Variants in FOCAD observed in about 807,000 individuals in gnomAD.
FOCAD encodes the protein focadhesin.
In FOCAD, 198 loss-of-function variants were observed where a neutral mutation model predicts 225.6. That is an observed-to-expected ratio of 0.88 (90% CI 0.78 to 0.99). FOCAD has a LOEUF of 0.99. Among genes scored for constraint, FOCAD ranks in the 50% least tolerant of loss-of-function variants. The pLI is 0.00. For synonymous variants in FOCAD, 897 were observed against 755.0 expected, an observed-to-expected ratio of 1.19 and a Z score of -3.08; for missense variants, 2,713 against 2,123.6, an observed-to-expected ratio of 1.28 and a Z score of -5.46.
In FOCAD at chr9:20,836,790, C is replaced by T. The variant is rs117376988; in HGVS notation, c.1920+13675C>T. Among the ~76,000 whole-genome samples the T allele has an allele frequency of 5.3e-3, 805 of 151,860 alleles. 11 individuals carry two copies. The highest frequency in any genetic ancestry group is 8.7e-3 in the Non-Finnish European group (590 of 67,926). ...TTATTTTTTTTAATAGAATACCATT[C>T]AGTACACATAAGTCATATATGAAAC... On this transcript the variant is annotated intron_variant, in intron 15 of 43. Coordinates refer to ENST00000338382, the MANE Select transcript of FOCAD (RefSeq NM_001375567.1).
intron 11 of FOCAD, among the ~76,000 whole-genome samples, chr9:20,818,632 C>T (rs1823992183): frequency 6.6e-6 from 1 of 151,996 alleles, no homozygotes; most frequent in East Asian, 1.9e-4. Context: ...ACTCTTCTTT[C>T]CTTATTGTTT....
intron 21 of FOCAD, among the ~76,000 whole-genome samples, chr9:20,887,713 A>G (rs889616407): frequency 1.3e-5 from 2 of 152,212 alleles, no homozygotes; most frequent in African/African-American, 4.8e-5. Flanking sequence ...CCTAGGAGTG[A>G]GAGTGCAACG....
At chr9:20,776,051 G>T (rs1431700026) in intron 8 of FOCAD, among the ~76,000 whole-genome samples, 2 of 152,168 alleles carry the variant, frequency 1.3e-5, no homozygotes, top group Non-Finnish European at 2.9e-5. Context: ...CCAGCAAGCA[G>T]TTGGAGAGGG....
chr9:20,799,469 T>G (rs1821535415), intron 11 of FOCAD, among the ~76,000 whole-genome samples: 1 of 152,176 alleles, frequency 6.6e-6, no homozygotes, highest in Non-Finnish European at 1.5e-5. Context: ...CCATTATTAT[T>G]GTGTGGGAGT....
intron 15 of FOCAD, among the ~76,000 whole-genome samples, chr9:20,826,160 C>T (rs981268903): frequency 6.6e-6 from 1 of 152,042 alleles, no homozygotes; most frequent in Admixed American, 6.6e-5. Flanking sequence ...TTCTTGGGTG[C>T]ATCTCTGAGG....
chr9:20,921,905 C>T (rs1834469943), intron 24 of FOCAD, among the ~76,000 whole-genome samples: 1 of 152,022 alleles, frequency 6.6e-6, no homozygotes. Flanking sequence ...ACTTTTGATA[C>T]CCAGATTCTA....
At chr9:20,674,196 ATATAT>A (rs1347918272) in intron 2 of FOCAD, among the ~76,000 whole-genome samples, 4 of 152,198 alleles carry the variant, frequency 2.6e-5, no homozygotes, top group East Asian at 1.9e-4. Context: ...TTAGAAATAA[ATATAT>A]TAGATGTTCT....
intron 10 of FOCAD, among the ~76,000 whole-genome samples, chr9:20,786,654 T>C (rs191405767): frequency 6.6e-6 from 1 of 152,350 alleles, no homozygotes. Context: ...AAAATCAATA[T>C]TGTTCACAAT....
intron 19 of FOCAD, 57 bp downstream of exon 19, chr9:20,874,864 A>C: frequency 6.2e-7 from 1 of 1,603,746 alleles, no homozygotes; most frequent in Non-Finnish European, 8.5e-7. Context: ...GATTTGTCTG[A>C]TTGTATTCTT....
At chr9:20,773,340 A>C (rs1231213068) in intron 8 of FOCAD, among the ~76,000 whole-genome samples, 1 of 152,264 alleles carries the variant, frequency 6.6e-6, no homozygotes, top group Non-Finnish European at 1.5e-5. Flanking sequence ...AAAAATCACT[A>C]GGCAGAGTTT....
chr9:20,995,577 T>G lies in FOCAD; in HGVS notation c.5354T>G (p.Val1785Gly), dbSNP rs1486730682. Residue 1785 changes from valine to glycine, a missense_variant, in exon 44 of 44, where the codon GTT (valine) becomes GGT (glycine). Physicochemically the swap from Val to Gly is moderately radical, Grantham distance 109 (BLOSUM62 -3). Coordinates refer to ENST00000338382, the MANE Select transcript of FOCAD (RefSeq NM_001375567.1). ...LLKATLLSLR[V>G]LPEFKKKAVW... ...TTAGCCACCCTGCTGTCCTTGAGAG[T>G]TCTCCCAGAGTTTAAGAAGAAAGCT... 1 of 1,612,720 alleles carries G rather than the reference T, an allele frequency of 6.2e-7. No homozygotes were observed. The highest frequency in any genetic ancestry group is 2.2e-5 in the East Asian group (1 of 44,870).
chr9:20,673,669 C>G (rs1488149706), intron 2 of FOCAD, among the ~76,000 whole-genome samples: 1 of 152,082 alleles, frequency 6.6e-6, no homozygotes, highest in East Asian at 1.9e-4. Flanking sequence ...ATGGCGTGAT[C>G]TCGGCTCATT....
At chr9:20,779,943 C>T (rs142573315) in intron 9 of FOCAD, among the ~76,000 whole-genome samples, 99 of 152,172 alleles carry the variant, frequency 6.5e-4, no homozygotes, top group African/African-American at 2.4e-3. Context: ...GCTTTATGTT[C>T]GCTTATACCT....
intron 28 of FOCAD, among the ~76,000 whole-genome samples, chr9:20,943,448 A>G (rs886870586): frequency 7.7e-6 from 1 of 129,420 alleles, no homozygotes; most frequent in African/African-American, 2.8e-5. Context: ...GCAGAAGGCT[A>G]GGAATAAAAA....
At chr9:20,837,413 G>A (rs1826097210) in intron 15 of FOCAD, among the ~76,000 whole-genome samples, 1 of 152,054 alleles carries the variant, frequency 6.6e-6, no homozygotes, top group Non-Finnish European at 1.5e-5. Flanking sequence ...CTCAGTGGTT[G>A]CAAATTGTGC....
rs578257042 is a variant in FOCAD at position 20,844,452 on chromosome 9, C to T, written c.1921-18126C>T. 2.9e-3 allele frequency among the ~76,000 whole-genome samples: 415 copies of T among 142,142 alleles called. 2 individuals carry two copies. The highest frequency in any genetic ancestry group is 9.9e-3 in the African/African-American group (379 of 38,252). 93.3% of individuals were successfully genotyped at this position (142,142 alleles called of 152,430 possible). On this transcript the variant is annotated intron_variant, in intron 15 of 43. Transcript: ENST00000338382. ...CTCGGCTCACTGCAACCTCTGCCTC[C>T]CAAGTTTAAGCGATTCTCCTGCCTC...
In FOCAD at chr9:20,789,695, A is replaced by C. The variant is rs989166568; in HGVS notation, c.1455+87A>C. ...TATTCCTGCTTTGTGGATTATTTGC[A>C]TCAGAGTTTTAAATTATGGGTTGAT... On this transcript the variant is annotated intron_variant, in intron 11 of 43. Transcript: ENST00000338382. 4 of 1,505,724 alleles carry C rather than the reference A, an allele frequency of 2.7e-6. No individual in the cohort carries two copies. In the African/African-American group the frequency reaches 5.6e-5, roughly 21 times the overall value. 93.3% of individuals were successfully genotyped at this position (1,505,724 alleles called of 1,614,324 possible).
intron 7 of FOCAD, among the ~76,000 whole-genome samples, chr9:20,769,253 T>TTACC (rs1266741665): frequency 1.3e-5 from 2 of 152,370 alleles, no homozygotes; most frequent in East Asian, 3.9e-4. Context: ...TGGGTTATTA[T>TTACC]GGTGATAACC....
chr9:20,849,114 G>A (rs944051222), intron 15 of FOCAD, among the ~76,000 whole-genome samples: 1 of 151,938 alleles, frequency 6.6e-6, no homozygotes, highest in African/African-American at 2.4e-5. Flanking sequence ...TAATGGCCAA[G>A]CCAATATACT....
Sources: gnomAD v4.1 joint callset for allele counts (sites outside exome capture counted in the v4.1 genomes callset) on GRCh38, gnomAD v4.1.1 for gene constraint, MANE v1.5 for transcripts, NCBI Gene and HGNC (gene_info 2026-07-23, HGNC 2026-07-21) for gene names.